Variants in PDZD4 observed in about 807,000 individuals in gnomAD.
PDZD4 encodes the protein PDZ domain-containing protein 4.
Under a neutral mutation model 38.5 loss-of-function variants are expected in PDZD4, and 9 were observed. The ratio of observed to expected loss-of-function variants is 0.23; its 90% CI spans 0.14 to 0.41. The LOEUF (loss-of-function observed/expected upper bound fraction) is 0.41, where lower values mean the gene tolerates loss of function less well. PDZD4 is among the 10% of genes least tolerant of loss of function. The pLI is 1.00. For synonymous variants in PDZD4, 349 were observed against 315.7 expected (o/e 1.11, Z -1.12); for missense variants, 612 against 722.0 (o/e 0.85, Z 1.75).
intron 1 of PDZD4, among the ~76,000 whole-genome samples, chrX:153,814,556 T>A (rs190629574): frequency 3.5e-4 from 35 of 100,881 alleles, no homozygotes; most frequent in African/African-American, 1.2e-3. Context: ...GAAATCCACT[T>A]TGCTTCTCTA....
chrX:153,805,401 C>CACAAA, intron 6 of PDZD4, 104 bp downstream of exon 6: 1 of 351,201 alleles, frequency 2.8e-6, no homozygotes, highest in Non-Finnish European at 5.2e-6. Flanking sequence ...CGCCCTCCAT[C>CACAAA]AACTCCAGGT....
intron 1 of PDZD4, chrX:153,829,899 C>G (rs1349035374): frequency 6.4e-5 from 52 of 814,047 alleles, no homozygotes; most frequent in Non-Finnish European, 7.7e-5. Flanking sequence ...CCCCGCACGG[C>G]GGGAGCCTGG....
chrX:153,815,409 C>A (rs2064351049), intron 1 of PDZD4, among the ~76,000 whole-genome samples: 2 of 112,218 alleles, frequency 1.8e-5, no homozygotes, highest in South Asian at 7.3e-4. Flanking sequence ...CCGACCCCAT[C>A]ACCCTTTCTA....
intron 1 of PDZD4, 51 bp downstream of exon 1, chrX:153,830,188 C>G (rs1309607596): frequency 3.5e-6 from 4 of 1,137,229 alleles, no homozygotes; most frequent in African/African-American, 1.9e-5. Flanking sequence ...CCCACTGGCC[C>G]GCTCCTCCCC....
chrX:153,807,713 C>T (rs1557077599), intron 2 of PDZD4: 2 of 342,147 alleles, frequency 5.8e-6, no homozygotes, highest in South Asian at 4.8e-5. Flanking sequence ...CCAGCACTGG[C>T]CCCACTCATG....
intron 1 of PDZD4, among the ~76,000 whole-genome samples, chrX:153,820,349 CA>C (rs140401659): frequency 2.3e-3 from 42 of 18,235 alleles, no homozygotes; most frequent in African/African-American, 8.4e-3. Context: ...GACTCCATCT[CA>C]AAAAAAAAAA....
intron 1 of PDZD4, among the ~76,000 whole-genome samples, chrX:153,809,810 A>G (rs1473559947): frequency 8.8e-6 from 1 of 113,040 alleles, no homozygotes; most frequent in Non-Finnish European, 1.9e-5. Flanking sequence ...AGGAGGGGTC[A>G]GGGAGGAGGA....
At position 153,829,887 on chromosome X, in the gene PDZD4, C is replaced by T. The variant is rs1201853232; in HGVS notation, c.60+352G>A. ...GGCCCGCCGGGATCTAGATTCGGCG[C>T]CCCCCGCACGGCGGGAGCCTGGCTC... On this transcript the variant is annotated intron_variant, in intron 1 of 7. Coordinates refer to ENST00000393758, the MANE Select transcript of PDZD4 (RefSeq NM_001303512.2). The T allele has an allele frequency of 1.7e-5, 14 of 804,366 alleles. No individual in the cohort carries two copies. The African/African-American group carries it at 2.9e-4, about 17-fold the overall frequency. 66.3% of individuals were successfully genotyped at this position (804,366 alleles called of 1,213,427 possible). A position where few individuals can be genotyped will look rare whatever the true frequency, so the allele number is the denominator to read the frequency against.
In PDZD4 at chrX:153,804,008, G is replaced by A. The variant is rs782016161; in HGVS notation, c.1673C>T (p.Thr558Met). 2.6e-6 allele frequency: 3 copies of A among 1,161,331 alleles called. No individual in the cohort carries two copies. The highest frequency in any genetic ancestry group is 3.8e-5 in the South Asian group (2 of 52,127). Residue 558 changes from threonine (T) to methionine (M), a missense_variant, in exon 8 of 8, where the codon ACG becomes ATG. Thr to Met is a moderately conservative substitution (Grantham distance 81, BLOSUM62 -1). This residue lies in a region of PDZD4 where 300 missense variants were observed against 284.6 expected (regional missense o/e 1.05). Transcript: ENST00000393758. ...AEERGRRNPK[T>M]GLTLERVGPE... is the part of the protein sequence containing the mutation. ...GCCCACACGCTCCAGGGTCAACCCCGTCTTGGGGTTGCGGCGGCCGCGCTC... is the reference window on the plus strand; with the variant it reads ...GCCCACACGCTCCAGGGTCAACCCCATCTTGGGGTTGCGGCGGCCGCGCTC...
chrX:153,826,613 T>C (rs2064484685), intron 1 of PDZD4, among the ~76,000 whole-genome samples: 1 of 110,918 alleles, frequency 9.0e-6, no homozygotes, highest in South Asian at 3.9e-4. Flanking sequence ...GGTTCCACTA[T>C]GTTGGCCAGG....
chrX:153,821,454 A>G (rs781949192), intron 1 of PDZD4, among the ~76,000 whole-genome samples: 6 of 107,262 alleles, frequency 5.6e-5, no homozygotes, highest in Non-Finnish European at 1.2e-4. Flanking sequence ...TTTACCCTCT[A>G]TTTGTAAAAA....
At chrX:153,805,343 C>T (rs1048990153) in intron 6 of PDZD4, 136 bp from the exon 7 acceptor site, 1 of 711,400 alleles carries the variant, frequency 1.4e-6, no homozygotes, top group African/African-American at 2.1e-5. Context: ...CCCCCTCAGC[C>T]TTCAGAGGCC....
intron 1 of PDZD4, among the ~76,000 whole-genome samples, chrX:153,819,788 C>T (rs1557080846): frequency 8.9e-6 from 1 of 112,124 alleles, no homozygotes; most frequent in African/African-American, 3.2e-5. Context: ...CACTCAGTGA[C>T]CCAGCAAAGT....
chrX:153,819,611 C>G (rs782584386), intron 1 of PDZD4, among the ~76,000 whole-genome samples: 77 of 112,277 alleles, frequency 6.9e-4, no homozygotes, highest in Middle Eastern at 9.2e-3. Flanking sequence ...TGCCCGGGGC[C>G]GAGCTCTGAC....
At chrX:153,811,969 T>TCG (rs2064314375) in intron 1 of PDZD4, among the ~76,000 whole-genome samples, 1 of 111,939 alleles carries the variant, frequency 8.9e-6, no homozygotes, top group Admixed American at 9.5e-5. Context: ...ATTATTGGTA[T>TCG]TTTAACCGTA....
rs368333181 is a variant in PDZD4, at chrX:153,806,751, A to G, written c.495T>C (p.Tyr165=). The part of the protein sequence containing the change: ...RTDDEEDLGI[Y]VGEVNPNSIA... ...ATACCCGTCTGCATACCTCTCCGAC[A>G]TAAATGCCCAGGTCCTCCTCGTCGT... Residue 165 remains tyrosine (Y), a synonymous_variant, in exon 4 of 8, where the codon TAT becomes TAC. Coordinates refer to ENST00000393758, the MANE Select transcript of PDZD4 (RefSeq NM_001303512.2). The G allele has an allele frequency of 4.1e-6, 5 of 1,209,014 alleles. No homozygotes were observed. The East Asian group carries it at 8.9e-5, about 21-fold the overall frequency.
At chrX:153,826,788 A>T (rs781984585) in intron 1 of PDZD4, among the ~76,000 whole-genome samples, 2 of 112,227 alleles carry the variant, frequency 1.8e-5, no homozygotes, top group African/African-American at 6.5e-5. Context: ...TTATGATAGC[A>T]TCATAAAGAA....
At chrX:153,820,033 C>A (rs1474336091) in intron 1 of PDZD4, among the ~76,000 whole-genome samples, 1 of 111,788 alleles carries the variant, frequency 8.9e-6, no homozygotes, top group East Asian at 2.8e-4. Flanking sequence ...CCCGCTAACA[C>A]CCTTATAGCT....
intron 1 of PDZD4, among the ~76,000 whole-genome samples, chrX:153,813,949 G>C (rs2064334012): frequency 8.9e-6 from 1 of 111,833 alleles, no homozygotes; most frequent in Non-Finnish European, 1.9e-5. Flanking sequence ...TATGTTTCTT[G>C]GCTGAATTAA....
Sources: allele counts gnomAD v4.1 joint callset (sites outside exome capture counted in the v4.1 genomes callset), GRCh38; gene constraint gnomAD v4.1.1; regional missense constraint gnomAD v4.1.1; transcripts MANE v1.5; gene names NCBI Gene and HGNC (gene_info 2026-07-23, HGNC 2026-07-21).